SYCP2: variants seen among roughly 807,000 people sequenced by gnomAD.
The protein encoded by SYCP2 is synaptonemal complex protein 2.
SYCP2 carries 55 observed loss-of-function variants against 211.3 expected under a neutral mutation model. The ratio of observed to expected loss-of-function variants is 0.26; its 90% CI spans 0.21 to 0.33. SYCP2 has a LOEUF of 0.33. Among genes scored for constraint, SYCP2 ranks in the 10% least tolerant of loss-of-function variants. The probability of loss-of-function intolerance (pLI) is 1.00; values close to 1 mark genes in which losing one functional copy is unlikely to be tolerated. For synonymous variants in SYCP2, 570 were observed against 555.2 expected (o/e 1.03, Z -0.37); for missense variants, 1,731 against 1,752.0 (o/e 0.99, Z 0.21).
rs990102192 is a variant in SYCP2, at chr20:59,920,255, A to G, written c.297+104T>C. ...ATGTTTTATTCCCAAAATTGTACAT[A>G]AAGTTCCTAAATTTATTTTCAACAA... On this transcript the variant is annotated intron_variant, in intron 5 of 44. Coordinates refer to ENST00000357552, the MANE Select transcript of SYCP2 (RefSeq NM_014258.4). 5 of 1,045,404 alleles carry G rather than the reference A, an allele frequency of 4.8e-6. No individual in the cohort carries two copies. In the African/African-American group the frequency reaches 6.5e-5, roughly 14 times the overall value. The allele number at this position is 1,045,404 out of a possible 1,614,324, so 64.8% of individuals were successfully genotyped here.
intron 24 of SYCP2, 105 bp downstream of exon 24, chr20:59,891,885 T>C: frequency 2.1e-6 from 2 of 967,244 alleles, no homozygotes; most frequent in Non-Finnish European, 3.0e-6. Context: ...AAACAAGGTA[T>C]TACACATGTT....
chr20:59,928,671 T>C (rs966751845), intron 2 of SYCP2, among the ~76,000 whole-genome samples: 26 of 152,214 alleles, frequency 1.7e-4, no homozygotes, highest in African/African-American at 6.3e-4. Flanking sequence ...CATAAGCATA[T>C]ATTGGAAGTT....
intron 12 of SYCP2, among the ~76,000 whole-genome samples, chr20:59,913,244 T>C (rs1018783462): frequency 1.3e-5 from 2 of 152,184 alleles, no homozygotes; most frequent in African/African-American, 4.8e-5. Context: ...GTTATTAATA[T>C]AACAGCTAAG....
chr20:59,911,701 CTT>C, intron 14 of SYCP2, 47 bp downstream of exon 14: 1 of 797,468 alleles, frequency 1.3e-6, no homozygotes, highest in South Asian at 2.6e-5. Context: ...AAGTAAAAAT[CTT>C]ATATATGCAT....
In SYCP2 at chr20:59,874,060, A is replaced by G. The variant is rs1342100937; in HGVS notation, c.3351T>C (p.Cys1117=). ...GSPSSIEVTR[C]IEKITEKDFT... is the part of the protein sequence containing the mutation. Reference sequence around the variant, plus strand: ...AATCCTTTTCTGTTATTTTCTCTATACCTATATTGCATCAAAATAAAAAAG... The same window carrying G: ...AATCCTTTTCTGTTATTTTCTCTATGCCTATATTGCATCAAAATAAAAAAG... Residue 1117 remains cysteine (C), a splice_region_variant and synonymous_variant, in exon 35 of 45, where the codon TGT becomes TGC. Coordinates refer to ENST00000357552, the MANE Select transcript of SYCP2 (RefSeq NM_014258.4). The G allele has an allele frequency of 1.3e-6, 2 of 1,533,524 alleles. No homozygotes were observed. Among genetic ancestry groups the G allele is most frequent in the Non-Finnish European group, 1.8e-6 (2 of 1,134,518 alleles). The allele number at this position is 1,533,524 out of a possible 1,614,324, so 95.0% of individuals were successfully genotyped here. A position where few individuals can be genotyped will look rare whatever the true frequency, so the allele number is the denominator to read the frequency against.
At chr20:59,915,620 G>T (rs2060424526) in intron 8 of SYCP2, 70 bp from the exon 9 acceptor site, 2 of 1,001,516 alleles carry the variant, frequency 2.0e-6, no homozygotes, top group South Asian at 1.4e-5. Context: ...AATATTCTAG[G>T]CACATAAACT....
At chr20:59,913,815 A>G (rs1413499515) in intron 12 of SYCP2, among the ~76,000 whole-genome samples, 160 bp downstream of exon 12, 1 of 152,104 alleles carries the variant, frequency 6.6e-6, no homozygotes, top group African/African-American at 2.4e-5. Context: ...GTAATTTGCT[A>G]AAATCATGTT....
chr20:59,881,065 C>T (rs909635029), intron 29 of SYCP2, 42 bp from the exon 30 acceptor site: 1 of 1,167,332 alleles, frequency 8.6e-7, no homozygotes, highest in Non-Finnish European at 1.2e-6. Context: ...ACCCTTCATA[C>T]TTGTTTTCTT....
chr20:59,924,880 A>G (rs948694871), intron 2 of SYCP2, among the ~76,000 whole-genome samples: 3 of 149,284 alleles, frequency 2.0e-5, no homozygotes, highest in Non-Finnish European at 4.6e-5. Context: ...AAGGTAGAAC[A>G]TAAAGCAGTA....
chr20:59,901,724 A>C lies in SYCP2; in HGVS notation c.1120T>G (p.Phe374Val). 1.2e-6 allele frequency: 2 copies of C among 1,607,106 alleles called. No individual in the cohort carries two copies. The highest frequency in any genetic ancestry group is 1.7e-6 in the Non-Finnish European group (2 of 1,176,626). ...KREGKELLLY[F>V]DASLEITNVT... ...TTAGTGATTTCTAGTGATGCGTCAAAATACAAAAGCAATTCTTTCCCTTCT... is the reference window on the plus strand; with the variant it reads ...TTAGTGATTTCTAGTGATGCGTCAACATACAAAAGCAATTCTTTCCCTTCT... The change falls in exon 16 of 45, where the codon TTT (phenylalanine) becomes GTT (valine). Residue 374 changes from phenylalanine (F) to valine (V), a missense_variant. By Grantham distance (50) the Phe-to-Val change is conservative (BLOSUM62 -1). Transcript: ENST00000357552.
intron 26 of SYCP2, among the ~76,000 whole-genome samples, chr20:59,882,986 T>A (rs914323380): frequency 6.6e-6 from 1 of 152,138 alleles, no homozygotes; most frequent in African/African-American, 2.4e-5. Context: ...AATCTTACAT[T>A]TGTAACATTC....
At chr20:59,880,787 C>A (rs1164334661) in intron 30 of SYCP2, among the ~76,000 whole-genome samples, 179 bp downstream of exon 30, 1 of 151,556 alleles carries the variant, frequency 6.6e-6, no homozygotes, top group Admixed American at 6.6e-5. Flanking sequence ...CGTGGCATTT[C>A]TTTTATTAGA....
At position 59,900,268 on chromosome 20, in the gene SYCP2, C is replaced by T; in HGVS notation, c.1274G>A (p.Ser425Asn). The change falls in exon 18 of 45, where the codon AGT becomes AAT. Residue 425 changes from serine (S) to asparagine (N), a missense_variant. Physicochemically the swap from Ser to Asn is conservative, Grantham distance 46. This residue lies in a region of SYCP2 where 1,387 missense variants were observed against 1,351.3 expected (regional missense o/e 1.03). Coordinates refer to ENST00000357552, the MANE Select transcript of SYCP2 (RefSeq NM_014258.4). The part of the protein sequence containing the change: ...ASGSQILVPE[S>N]QISPVGEELV... ...CTCTTCTCCGACTGGTGAGATTTGACTTTCTGGCACTAGAATCTGTTGGAG... is the reference window on the plus strand; with the variant it reads ...CTCTTCTCCGACTGGTGAGATTTGATTTTCTGGCACTAGAATCTGTTGGAG... 2 of 1,602,668 alleles carry T rather than the reference C, an allele frequency of 1.2e-6. No homozygotes were observed. The highest frequency in any genetic ancestry group is 1.7e-6 in the Non-Finnish European group (2 of 1,176,812).
At chr20:59,878,162 A>C in intron 31 of SYCP2, 117 bp from the exon 32 acceptor site, 1 of 757,358 alleles carries the variant, frequency 1.3e-6, no homozygotes, top group South Asian at 2.0e-5. Flanking sequence ...TAAGTTTTTA[A>C]AGCATGTGTT....
intron 26 of SYCP2, among the ~76,000 whole-genome samples, chr20:59,884,111 GTAAA>G (rs1448464873): frequency 2.0e-5 from 3 of 151,946 alleles, no homozygotes; most frequent in African/African-American, 7.2e-5. Context: ...ATTGTTGTAC[GTAAA>G]TAAATGACCT....
At position 59,886,067 on chromosome 20, in the gene SYCP2, G is replaced by T. The variant is rs1376395028; in HGVS notation, c.2493-103C>A. The T allele has an allele frequency of 3.3e-6, 3 of 911,284 alleles. No homozygotes were observed. In the East Asian group the frequency reaches 8.2e-5, roughly 25 times the overall value. 56.4% of individuals were successfully genotyped at this position (911,284 alleles called of 1,614,324 possible). ...GTTTGTCACTAAATTTATATTCAAT[G>T]TTAAAAATAACCAAAATGTAACAGT... is the stretch of plus-strand genomic sequence containing the variant. On this transcript the variant is annotated intron_variant, in intron 25 of 44. Transcript: ENST00000357552.
In SYCP2 at chr20:59,880,379, T is replaced by C. The variant is rs200298160; in HGVS notation, c.2865A>G (p.Arg955=). The change falls in exon 31 of 45, where the codon AGA becomes AGG. Residue 955 remains arginine, a synonymous_variant. Coordinates refer to ENST00000357552, the MANE Select transcript of SYCP2 (RefSeq NM_014258.4). ...DDSKTDISWL[R]EPKSKPQLID... ...TTAGCTGTGGTTTTGATTTCGGTTCTCTTAGCCAGCTAATATCAGTCTTGC... is the reference window on the plus strand; with the variant it reads ...TTAGCTGTGGTTTTGATTTCGGTTCCCTTAGCCAGCTAATATCAGTCTTGC... The C allele has an allele frequency of 3.7e-6, 6 of 1,602,314 alleles. No homozygotes were observed. In the African/African-American group the frequency reaches 8.0e-5, roughly 21 times the overall value.
chr20:59,895,324 G>T (rs2059986793), intron 20 of SYCP2, 113 bp downstream of exon 20: 1 of 826,996 alleles, frequency 1.2e-6, no homozygotes, highest in Non-Finnish European at 1.8e-6. Flanking sequence ...GGGAAAAAAG[G>T]TAATGCTTTA....
intron 7 of SYCP2, among the ~76,000 whole-genome samples, chr20:59,917,799 T>C (rs2060471045): frequency 6.6e-6 from 1 of 152,152 alleles, no homozygotes; most frequent in Non-Finnish European, 1.5e-5. Flanking sequence ...AGTCAAAGAA[T>C]GAGTAGGAAC....
Sources: allele counts gnomAD v4.1 joint callset (sites outside exome capture counted in the v4.1 genomes callset), GRCh38; gene constraint gnomAD v4.1.1; regional missense constraint gnomAD v4.1.1; transcripts MANE v1.5; gene names NCBI Gene and HGNC (gene_info 2026-07-23, HGNC 2026-07-21).